KCTD16: variants seen among roughly 807,000 people sequenced by gnomAD.
The protein encoded by KCTD16 is BTB/POZ domain-containing protein KCTD16.
A neutral mutation model predicts 33.2 loss-of-function variants in KCTD16; 13 were observed. The ratio of observed to expected loss-of-function variants is 0.39; its 90% CI spans 0.25 to 0.62. KCTD16 has a LOEUF of 0.62. Ranked by LOEUF, KCTD16 falls within the 20% of genes least tolerant of loss-of-function variation. The pLI is 0.50. For missense variants in KCTD16, 441 were observed against 525.1 expected (o/e 0.84, Z 1.57); for synonymous variants, 197 against 195.3 (o/e 1.01, Z -0.07).
intron 3 of KCTD16, among the ~76,000 whole-genome samples, chr5:144,217,741 T>C (rs904741208): frequency 2.6e-5 from 4 of 152,080 alleles, no homozygotes; most frequent in Admixed American, 2.6e-4. Context: ...TTCTAGTACT[T>C]CTCCACAATC....
chr5:144,210,229 A>G (rs1753339194), intron 3 of KCTD16, among the ~76,000 whole-genome samples: 1 of 152,130 alleles, frequency 6.6e-6, no homozygotes, highest in Non-Finnish European at 1.5e-5. Context: ...GGTCAATATC[A>G]GGTGGTTTTC....
At chr5:144,179,770 G>C (rs1419266539) in intron 2 of KCTD16, among the ~76,000 whole-genome samples, 1 of 152,150 alleles carries the variant, frequency 6.6e-6, no homozygotes. Context: ...TTAGAAGAGA[G>C]GTTATGTTAT....
intron 3 of KCTD16, among the ~76,000 whole-genome samples, chr5:144,415,171 G>A (rs986179182): frequency 1.3e-5 from 2 of 152,090 alleles, no homozygotes; most frequent in African/African-American, 2.4e-5. Flanking sequence ...AGCCAATCTC[G>A]TCCTTTTGTA....
intron 3 of KCTD16, among the ~76,000 whole-genome samples, chr5:144,407,712 A>G (rs1443828679): frequency 1.3e-5 from 2 of 151,872 alleles, no homozygotes. Flanking sequence ...ACCCCCTCAC[A>G]GGCCCTGGTG....
chr5:144,211,341 C>A (rs1469292686), intron 3 of KCTD16, among the ~76,000 whole-genome samples: 1 of 151,786 alleles, frequency 6.6e-6, no homozygotes, highest in Non-Finnish European at 1.5e-5. Flanking sequence ...CCTTTTTTTT[C>A]TCCTGGCTAC....
intron 3 of KCTD16, among the ~76,000 whole-genome samples, chr5:144,262,593 A>G (rs1238237275): frequency 1.3e-5 from 2 of 152,226 alleles, no homozygotes; most frequent in Non-Finnish European, 2.9e-5. Context: ...TAGGAAAACT[A>G]TGTGCTCTTC....
intron 3 of KCTD16, among the ~76,000 whole-genome samples, chr5:144,344,437 A>G (rs999802265): frequency 2.0e-5 from 3 of 148,262 alleles, no homozygotes; most frequent in Non-Finnish European, 4.4e-5. Context: ...ATGGGAGAAA[A>G]TTTTCGCAAC....
intron 3 of KCTD16, among the ~76,000 whole-genome samples, chr5:144,354,395 A>G (rs966893068): frequency 6.6e-6 from 1 of 152,182 alleles, no homozygotes; most frequent in Non-Finnish European, 1.5e-5. Context: ...ACCATTTTCA[A>G]AAATCCAAGA....
At chr5:144,248,161 T>G (rs1185397284) in intron 3 of KCTD16, among the ~76,000 whole-genome samples, 1 of 152,138 alleles carries the variant, frequency 6.6e-6, no homozygotes. Context: ...AGTAAGCCCC[T>G]TGGAGGCAGA....
Position 144,206,609 on chromosome 5 carries a change from A to C in KCTD16, c.-106A>C. The stretch of plus-strand genomic sequence containing the variant: ...GATAAGAGGAGGTCATTTTTTAATA[A>C]GTTAGCATCCTTTTCCCTTTCTTAC... On this transcript the variant is annotated 5_prime_UTR_variant, in exon 3 of 4. Transcript: ENST00000512467. 1 of 969,858 alleles carries C rather than the reference A, an allele frequency of 1.0e-6. No individual in the cohort carries two copies. Among genetic ancestry groups the C allele is most frequent in the Non-Finnish European group, 1.5e-6 (1 of 647,956 alleles). 60.1% of individuals were successfully genotyped at this position (969,858 alleles called of 1,614,324 possible).
At chr5:144,382,970 T>C (rs1265921134) in intron 3 of KCTD16, 2 of 152,228 alleles carry the variant, frequency 1.3e-5, no homozygotes, top group Non-Finnish European at 2.9e-5. Context: ...CACAATCCTC[T>C]GGTAGGGAGC....
intron 3 of KCTD16, among the ~76,000 whole-genome samples, chr5:144,299,523 T>C (rs975753453): frequency 6.6e-5 from 10 of 152,046 alleles, no homozygotes; most frequent in African/African-American, 1.9e-4. Flanking sequence ...AATATTGGAA[T>C]GAAAAAAATA....
chr5:144,254,451 C>A (rs1005740900), intron 3 of KCTD16, among the ~76,000 whole-genome samples: 11 of 152,126 alleles, frequency 7.2e-5, no homozygotes, highest in Non-Finnish European at 1.3e-4. Flanking sequence ...GATCACCCAA[C>A]CAGAAGACCT....
chr5:144,361,947 T>TGA lies in KCTD16; in HGVS notation c.833-111712_833-111711dup, dbSNP rs1554090054. On this transcript the variant is annotated intron_variant, in intron 3 of 3. Coordinates refer to ENST00000512467, the MANE Select transcript of KCTD16 (RefSeq NM_020768.4). The stretch of plus-strand genomic sequence containing the variant: ...GTGTGTGTGTGTGTGTGTGTGTGTG[T>TGA]GATATATTTATCTAGCACTTGTTTC... Among the ~76,000 whole-genome samples the TGA allele has an allele frequency of 2.0e-3, 282 of 141,828 alleles. 2 individuals carry two copies. The highest frequency in any genetic ancestry group is 7.1e-3 in the African/African-American group (274 of 38,422). 93.0% of individuals were successfully genotyped at this position (141,828 alleles called of 152,430 possible). A position where few individuals can be genotyped will look rare whatever the true frequency, so the allele number is the denominator to read the frequency against.
chr5:144,360,227 T>C (rs938557095), intron 3 of KCTD16, among the ~76,000 whole-genome samples: 5 of 152,114 alleles, frequency 3.3e-5, no homozygotes, highest in Admixed American at 2.0e-4. Flanking sequence ...TTTTGGTATT[T>C]CTCCTAATGC....
At chr5:144,419,947 T>C (rs1753172003) in intron 3 of KCTD16, among the ~76,000 whole-genome samples, 1 of 152,152 alleles carries the variant, frequency 6.6e-6, no homozygotes, top group South Asian at 2.1e-4. Flanking sequence ...CGGTAAGAAG[T>C]AACCTAGGAA....
chr5:144,244,011 A>T (rs1197699931), intron 3 of KCTD16, among the ~76,000 whole-genome samples: 1 of 152,014 alleles, frequency 6.6e-6, no homozygotes, highest in Non-Finnish European at 1.5e-5. Context: ...CCAAAGTGCT[A>T]GGATTACAGG....
At chr5:144,211,923 T>A (rs982700617) in intron 3 of KCTD16, among the ~76,000 whole-genome samples, 7 of 152,170 alleles carry the variant, frequency 4.6e-5, no homozygotes, top group African/African-American at 1.7e-4. Flanking sequence ...TCCCATGCCA[T>A]AATCAAAGCT....
chr5:144,309,828 T>C (rs1208311504), intron 3 of KCTD16, among the ~76,000 whole-genome samples: 2 of 152,074 alleles, frequency 1.3e-5, no homozygotes, highest in Non-Finnish European at 2.9e-5. Flanking sequence ...AACGAATTCA[T>C]TTCCTTGAGA....
Sources: allele counts gnomAD v4.1 joint callset (sites outside exome capture counted in the v4.1 genomes callset), GRCh38; gene constraint gnomAD v4.1.1; transcripts MANE v1.5; gene names NCBI Gene and HGNC (gene_info 2026-07-23, HGNC 2026-07-21).